The following SAMMSON variants were observed in gnomAD, a reference collection of about 807,000 sequenced individuals.
SAMMSON encodes survival associated mitochondrial melanoma specific oncogenic non-coding RNA.
At chr3:70,360,377 T>C (rs1047613046) in intron 9 of SAMMSON, among the ~76,000 whole-genome samples, 2 of 152,182 alleles carry the variant, frequency 1.3e-5, no homozygotes, top group Non-Finnish European at 2.9e-5. Flanking sequence ...TAAGTGGTTA[T>C]GGACATTAAT....
intron 4 of SAMMSON, among the ~76,000 whole-genome samples, chr3:70,211,579 C>T (rs866465068): frequency 1.7e-5 from 1 of 58,212 alleles, no homozygotes; most frequent in East Asian, 6.5e-4. Context: ...CTTCCCTTCC[C>T]TTCCTTTCCC....
At chr3:70,300,369 G>T (rs1362583806) in intron 7 of SAMMSON, among the ~76,000 whole-genome samples, 1 of 151,884 alleles carries the variant, frequency 6.6e-6, no homozygotes, top group Non-Finnish European at 1.5e-5. Flanking sequence ...TAGGCACATC[G>T]AGTATTATTT....
chr3:70,058,345 G>A (rs997026083), intron 3 of SAMMSON, among the ~76,000 whole-genome samples: 4 of 151,980 alleles, frequency 2.6e-5, no homozygotes, highest in Admixed American at 2.6e-4. Flanking sequence ...TTAAAAGTTT[G>A]TCTTAGTTTG....
At chr3:70,011,743 A>G (rs1251951342) in intron 1 of SAMMSON, among the ~76,000 whole-genome samples, 1 of 152,062 alleles carries the variant, frequency 6.6e-6, no homozygotes, top group African/African-American at 2.4e-5. Flanking sequence ...CCATTCAAAC[A>G]TAGCCTGGGA....
chr3:70,362,184 GGAT>G (rs1702876512), intron 9 of SAMMSON, among the ~76,000 whole-genome samples: 1 of 152,052 alleles, frequency 6.6e-6, no homozygotes, highest in Non-Finnish European at 1.5e-5. Flanking sequence ...ATTGACTCTC[GGAT>G]GATAAGTGGT....
At chr3:70,214,119 T>G (rs773566423) in intron 4 of SAMMSON, among the ~76,000 whole-genome samples, 1 of 152,136 alleles carries the variant, frequency 6.6e-6, no homozygotes, top group Non-Finnish European at 1.5e-5. Context: ...TATGGAGTAT[T>G]CAATTGCTAC....
chr3:70,037,980 A>G (rs1225827895), intron 3 of SAMMSON, among the ~76,000 whole-genome samples: 1 of 152,194 alleles, frequency 6.6e-6, no homozygotes, highest in Admixed American at 6.6e-5. Context: ...TACACTTGAG[A>G]AAAACAAGTC....
intron 2 of SAMMSON, among the ~76,000 whole-genome samples, chr3:70,407,015 A>T (rs1316811670): frequency 6.6e-6 from 1 of 152,220 alleles, no homozygotes; most frequent in Non-Finnish European, 1.5e-5. Context: ...GGCGAAAGGC[A>T]CTTCTTACAT....
chr3:70,358,167 C>T (rs549925870), intron 8 of SAMMSON: 176 of 152,186 alleles, frequency 1.2e-3, no homozygotes, highest in African/African-American at 4.1e-3. Flanking sequence ...AAAAGTAATA[C>T]GTATTTGAAA....
chr3:70,335,139 G>A (rs776797969), intron 7 of SAMMSON, among the ~76,000 whole-genome samples: 5 of 151,498 alleles, frequency 3.3e-5, no homozygotes, highest in East Asian at 1.9e-4. Context: ...AAGTAAACAC[G>A]TAGCACAGTG....
intron 4 of SAMMSON, among the ~76,000 whole-genome samples, chr3:70,081,275 G>A (rs376120348): frequency 1.3e-5 from 2 of 152,000 alleles, no homozygotes; most frequent in East Asian, 3.9e-4. Flanking sequence ...CACCATGCCC[G>A]GCTAATTTTT....
chr3:70,089,560 G>C (rs2067298186), intron 4 of SAMMSON, among the ~76,000 whole-genome samples: 1 of 151,246 alleles, frequency 6.6e-6, no homozygotes, highest in Non-Finnish European at 1.5e-5. Context: ...TGGGGCTGAG[G>C]GTGATGGGTG....
chr3:70,412,519 C>T (rs892957272), intron 2 of SAMMSON, among the ~76,000 whole-genome samples: 2 of 152,108 alleles, frequency 1.3e-5, no homozygotes, highest in East Asian at 1.9e-4. Context: ...CACAGGATAT[C>T]GAATGGTGCA....
At chr3:70,071,428 C>T (rs1200214768) in intron 3 of SAMMSON, 2 of 151,966 alleles carry the variant, frequency 1.3e-5, no homozygotes, top group African/African-American at 4.8e-5. Context: ...ACAGTGTTTT[C>T]TTCTGAAGGA....
chr3:70,009,738 C>T (rs2066945807), intron 1 of SAMMSON, among the ~76,000 whole-genome samples: 1 of 150,576 alleles, frequency 6.6e-6, no homozygotes, highest in South Asian at 2.1e-4. Context: ...GTTAGGGTGT[C>T]AATTTTAGAT....
At chr3:70,196,358 GT>G (rs943095194) in intron 4 of SAMMSON, among the ~76,000 whole-genome samples, 42 of 152,062 alleles carry the variant, frequency 2.8e-4, no homozygotes, top group African/African-American at 9.7e-4. Context: ...CAGGAACATG[GT>G]TTCTAATTCA....
intron 4 of SAMMSON, among the ~76,000 whole-genome samples, chr3:70,081,108 T>C (rs9843571): frequency 1.3e-5 from 2 of 152,120 alleles, no homozygotes; most frequent in African/African-American, 4.8e-5. Flanking sequence ...TCTTTGTTGT[T>C]GTTTTGTTTT....
chr3:70,116,165 A>C (rs142025779), intron 4 of SAMMSON, among the ~76,000 whole-genome samples: 2,013 of 152,220 alleles, frequency 0.013, 40 homozygotes, highest in African/African-American at 0.045. Context: ...AAGAGAAAAG[A>C]GAGCAGGGAG....
At chr3:70,406,921 A>C (rs560727592) in intron 2 of SAMMSON, among the ~76,000 whole-genome samples, 11 of 152,350 alleles carry the variant, frequency 7.2e-5, no homozygotes, top group African/African-American at 2.6e-4. Context: ...GCTGATAAAG[A>C]CACACTCAAG....
Sources: allele counts gnomAD v4.1 joint callset (sites outside exome capture counted in the v4.1 genomes callset), GRCh38; gene constraint gnomAD v4.1.1; transcripts MANE v1.5; gene names NCBI Gene and HGNC (gene_info 2026-07-23, HGNC 2026-07-21).